Variants in CDYL observed in about 807,000 individuals in gnomAD.
CDYL encodes chromodomain Y-like protein.
In CDYL, 8 loss-of-function variants were observed where a neutral mutation model predicts 47.3. The ratio of observed to expected loss-of-function variants is 0.17; its 90% CI spans 0.10 to 0.31. The LOEUF (loss-of-function observed/expected upper bound fraction) is 0.31, where lower values mean the gene tolerates loss of function less well. Among genes scored for constraint, CDYL ranks in the 10% least tolerant of loss-of-function variants. The pLI, the probability that CDYL is intolerant of heterozygous loss-of-function variation, is 1.00. For missense variants in CDYL, 471 were observed against 701.4 expected (o/e 0.67, Z 3.71); for synonymous variants, 266 against 265.0 (o/e 1.00, Z -0.04).
At chr6:4,761,937 G>A (rs1366194130) in intron 3 of CDYL, among the ~76,000 whole-genome samples, 1 of 152,194 alleles carries the variant, frequency 6.6e-6, no homozygotes, top group Non-Finnish European at 1.5e-5. Context: ...AAGCAGTAGA[G>A]AACTAATAAG....
intron 2 of CDYL, among the ~76,000 whole-genome samples, chr6:4,731,485 C>CA (rs1489867870): frequency 2.0e-5 from 3 of 152,000 alleles, no homozygotes; most frequent in African/African-American, 7.2e-5. Flanking sequence ...ATTATGGATC[C>CA]AAAAAACATG....
chr6:4,802,518 G>C (rs1759254280), intron 1 of CDYL, among the ~76,000 whole-genome samples: 1 of 152,120 alleles, frequency 6.6e-6, no homozygotes. Flanking sequence ...CAGCCTGGGT[G>C]ACAGAGTGAG....
intron 1 of CDYL, chr6:4,890,266 T>G (rs992169764): frequency 3.2e-6 from 2 of 620,490 alleles, no homozygotes; most frequent in Admixed American, 6.3e-5. Context: ...AATATGTCTT[T>G]TACTTAAATT....
intron 1 of CDYL, among the ~76,000 whole-genome samples, chr6:4,794,026 A>G (rs1000388485): frequency 3.3e-5 from 5 of 152,246 alleles, no homozygotes; most frequent in Admixed American, 2.6e-4. Context: ...TGTGAACTAC[A>G]CAGGATTATA....
At chr6:4,758,625 T>A (rs1160983564) in intron 3 of CDYL, among the ~76,000 whole-genome samples, 5 of 151,866 alleles carry the variant, frequency 3.3e-5, no homozygotes, top group Non-Finnish European at 5.9e-5. Context: ...ATCATGCCAC[T>A]GCACTCCAGT....
chr6:4,896,511 G>T (rs139775923), intron 2 of CDYL, among the ~76,000 whole-genome samples: 2 of 152,140 alleles, frequency 1.3e-5, no homozygotes, highest in African/African-American at 4.8e-5. Flanking sequence ...TGTGGCCTGG[G>T]TCTTTTGCTC....
intron 2 of CDYL, among the ~76,000 whole-genome samples, chr6:4,726,793 A>G (rs1016816623): frequency 1.3e-5 from 2 of 152,144 alleles, no homozygotes; most frequent in Non-Finnish European, 2.9e-5. Context: ...TGATATCATC[A>G]TGGCAGCTAA....
intron 1 of CDYL, among the ~76,000 whole-genome samples, chr6:4,808,179 A>G (rs913525825): frequency 1.3e-5 from 2 of 152,204 alleles, no homozygotes; most frequent in African/African-American, 2.4e-5. Context: ...AGAAATGCAC[A>G]TGCGGGGCAA....
chr6:4,719,684 A>C (rs1022508380), intron 2 of CDYL, among the ~76,000 whole-genome samples: 2 of 152,196 alleles, frequency 1.3e-5, no homozygotes, highest in Admixed American at 1.3e-4. Flanking sequence ...GATAGACTTC[A>C]AAGTCAACCA....
intron 1 of CDYL, among the ~76,000 whole-genome samples, chr6:4,864,764 G>A (rs1321060082): frequency 6.6e-6 from 1 of 152,112 alleles, no homozygotes; most frequent in Non-Finnish European, 1.5e-5. Flanking sequence ...ATGATTCTGA[G>A]GCCTCCCTAG....
At chr6:4,724,241 G>T (rs1211823663) in intron 2 of CDYL, among the ~76,000 whole-genome samples, 2 of 151,760 alleles carry the variant, frequency 1.3e-5, no homozygotes, top group Non-Finnish European at 2.9e-5. Flanking sequence ...TAGAGACAGG[G>T]TTTCATTATA....
In CDYL at chr6:4,776,548, G is replaced by T; in HGVS notation, c.-236G>T. 1 of 175,522 alleles carries T rather than the reference G, an allele frequency of 5.7e-6. No homozygotes were observed. Among genetic ancestry groups the T allele is most frequent in the South Asian group, 1.8e-4 (1 of 5,650 alleles). 10.9% of individuals were successfully genotyped at this position (175,522 alleles called of 1,614,324 possible). ...CCCGAGCGCGAGCCGGCCCGCCGGG[G>T]AGTGAGCGCGGGGCGCCCAGGGCGC... On this transcript the variant is annotated 5_prime_UTR_variant, in exon 1 of 7. The change creates a premature stop within an existing upstream ORF in the 5' untranslated region. Transcript: ENST00000397588.
intron 2 of CDYL, among the ~76,000 whole-genome samples, chr6:4,899,368 A>G (rs897674628): frequency 6.6e-6 from 1 of 152,260 alleles, no homozygotes; most frequent in Non-Finnish European, 1.5e-5. Flanking sequence ...AGAGGTCTCC[A>G]CACAAAAGAG....
chr6:4,869,569 G>A (rs1331643984), intron 1 of CDYL, among the ~76,000 whole-genome samples: 1 of 151,528 alleles, frequency 6.6e-6, no homozygotes, highest in Non-Finnish European at 1.5e-5. Context: ...TTTATTTTTT[G>A]GCCTGTACCA....
At position 4,918,369 on chromosome 6, in the gene CDYL, G is replaced by GT. The variant is rs1322730827; in HGVS notation, c.692-17146_692-17145insT. On this transcript the variant is annotated intron_variant, in intron 2 of 6. Transcript: ENST00000397588. ...GAAAAGAAAGGTTGGGTGATGTTCT[G>GT]CCCCCCCCCCTTTTTTTTGGCACTT... 3.2e-4 allele frequency among the ~76,000 whole-genome samples: 48 copies of GT among 148,532 alleles called. 1 individual carries two copies. Among genetic ancestry groups the GT allele is most frequent in the Admixed American group, 5.4e-4 (8 of 14,942 alleles).
chr6:4,942,249 C>T (rs999343213), intron 4 of CDYL, among the ~76,000 whole-genome samples: 7 of 152,120 alleles, frequency 4.6e-5, no homozygotes, highest in African/African-American at 9.7e-5. Flanking sequence ...GAGGTCCAGC[C>T]GCTAAACTCT....
At chr6:4,830,849 CG>C (rs1760121532) in intron 1 of CDYL, among the ~76,000 whole-genome samples, 1 of 147,984 alleles carries the variant, frequency 6.8e-6, no homozygotes, top group Admixed American at 6.9e-5. Flanking sequence ...TGAGAATATG[CG>C]GTGTTTGGTT....
intron 1 of CDYL, among the ~76,000 whole-genome samples, chr6:4,801,293 GT>G (rs1213125755): frequency 6.6e-6 from 1 of 152,146 alleles, no homozygotes; most frequent in African/African-American, 2.4e-5. Context: ...CTTTGGGCAT[GT>G]TTTTCAGACG....
intron 2 of CDYL, among the ~76,000 whole-genome samples, chr6:4,895,723 C>A (rs1184789864): frequency 6.6e-6 from 1 of 152,126 alleles, no homozygotes; most frequent in African/African-American, 2.4e-5. Flanking sequence ...TCAAAATGAA[C>A]TGCAGCCCTC....
Sources: allele counts gnomAD v4.1 joint callset (sites outside exome capture counted in the v4.1 genomes callset), GRCh38; gene constraint gnomAD v4.1.1; transcripts MANE v1.5; gene names NCBI Gene and HGNC (gene_info 2026-07-23, HGNC 2026-07-21).